Variants in CPSF2 observed in about 807,000 individuals in gnomAD.
CPSF2 encodes cleavage and polyadenylation specific factor 2.
CPSF2 carries 51 observed loss-of-function variants against 84.2 expected under a neutral mutation model. That is an observed-to-expected ratio of 0.61 (90% CI 0.48 to 0.77). The LOEUF (loss-of-function observed/expected upper bound fraction) is 0.77. CPSF2 is among the 30% of genes least tolerant of loss of function. The probability of loss-of-function intolerance (pLI) is 0.00; values close to 1 mark genes in which losing one functional copy is unlikely to be tolerated. For missense variants in CPSF2, 641 were observed against 929.4 expected, an observed-to-expected ratio of 0.69 and a Z score of 4.03; for synonymous variants, 286 against 311.9, an observed-to-expected ratio of 0.92 and a Z score of 0.87.
intron 9 of CPSF2, among the ~76,000 whole-genome samples, chr14:92,143,638 C>G (rs911254711): frequency 3.9e-5 from 6 of 152,158 alleles, no homozygotes; most frequent in Admixed American, 2.6e-4. Context: ...TGGGGTCTTG[C>G]TTTGTTACCT....
intron 2 of CPSF2, among the ~76,000 whole-genome samples, chr14:92,129,511 C>T (rs1024774977): frequency 3.9e-5 from 6 of 152,050 alleles, no homozygotes; most frequent in African/African-American, 1.4e-4. Flanking sequence ...TGTTGATGGC[C>T]TTGAGTAGTG....
chr14:92,148,168 C>T (rs557739799), intron 9 of CPSF2, among the ~76,000 whole-genome samples: 1 of 152,304 alleles, frequency 6.6e-6, no homozygotes, highest in South Asian at 2.1e-4. Context: ...TCCCCCTTTT[C>T]CATTACTTTT....
Position 92,161,101 on chromosome 14 carries a change from C to T in CPSF2, c.2122-11C>T. The T allele has an allele frequency of 6.2e-7, 1 of 1,612,606 alleles. No homozygotes were observed. Among genetic ancestry groups the T allele is most frequent in the Non-Finnish European group, 8.5e-7 (1 of 1,179,378 alleles). Reference sequence around the variant, plus strand: ...CTTGAAGTTATTCTTTCCCCTTTGACCTTATCTAAGGTTCCTGGACATCAG... The same window carrying T: ...CTTGAAGTTATTCTTTCCCCTTTGATCTTATCTAAGGTTCCTGGACATCAG... On this transcript the variant is annotated splice_polypyrimidine_tract_variant and intron_variant, in intron 14 of 15. Coordinates refer to ENST00000298875, the MANE Select transcript of CPSF2 (RefSeq NM_017437.3).
At chr14:92,150,291 T>C (rs1349977798) in intron 9 of CPSF2, among the ~76,000 whole-genome samples, 1 of 152,036 alleles carries the variant, frequency 6.6e-6, no homozygotes, top group Non-Finnish European at 1.5e-5. Flanking sequence ...ATTTTTTTTT[T>C]TCATATTTTT....
At chr14:92,158,705 A>G (rs188907550) in intron 13 of CPSF2, among the ~76,000 whole-genome samples, 18 of 152,270 alleles carry the variant, frequency 1.2e-4, no homozygotes, top group African/African-American at 3.9e-4. Flanking sequence ...CAGTTATGTT[A>G]GAAACACTGG....
intron 1 of CPSF2, among the ~76,000 whole-genome samples, chr14:92,123,467 C>G (rs2068805788): frequency 6.6e-6 from 1 of 151,950 alleles, no homozygotes; most frequent in South Asian, 2.1e-4. Context: ...GGTGCCATCT[C>G]AGCTCACTGC....
At chr14:92,133,743 G>A (rs2068964762) in intron 3 of CPSF2, among the ~76,000 whole-genome samples, 1 of 151,940 alleles carries the variant, frequency 6.6e-6, no homozygotes, top group African/African-American at 2.4e-5. Context: ...TGGGATTACA[G>A]GTGTGTGCCA....
intron 11 of CPSF2, 111 bp downstream of exon 11, chr14:92,155,434 G>A (rs2069277398): frequency 1.2e-6 from 1 of 862,040 alleles, no homozygotes; most frequent in East Asian, 2.6e-5. Context: ...TCACATGTAT[G>A]GGGTTAGCTT....
At chr14:92,140,784 C>T (rs1048029200) in intron 7 of CPSF2, among the ~76,000 whole-genome samples, 2 of 151,958 alleles carry the variant, frequency 1.3e-5, no homozygotes, top group African/African-American at 2.4e-5. Flanking sequence ...CGTGGTGGTA[C>T]AGGCCCGTAG....
In CPSF2 at chr14:92,122,070, C is replaced by G. The variant is rs17127959; in HGVS notation, c.-152C>G. ...AGCATCGGCTTTTCTACGTCTTGAA[C>G]CTGGATTCGCCTAGGGGTTGGGAAG... On this transcript the variant is annotated 5_prime_UTR_variant, in exon 1 of 16. Coordinates refer to ENST00000298875, the MANE Select transcript of CPSF2 (RefSeq NM_017437.3). The G allele has an allele frequency of 9.8e-6, 5 of 510,108 alleles. No homozygotes were observed. The highest frequency in any genetic ancestry group is 1.9e-5 in the African/African-American group (1 of 51,708). The allele number at this position is 510,108 out of a possible 1,614,324, so 31.6% of individuals were successfully genotyped here. A position where few individuals can be genotyped will look rare whatever the true frequency, so the allele number is the denominator to read the frequency against.
rs571259003 is a variant in CPSF2 at position 92,158,961 on chromosome 14, TC to T, written c.1822-17del. 464 of 1,571,808 alleles carry T rather than the reference TC, an allele frequency of 3.0e-4. 2 individuals carry two copies. The African/African-American group carries it at 5.4e-3, about 18-fold the overall frequency. The stretch of plus-strand genomic sequence containing the variant: ...ATGTATTCTGTGGGTTTTATTTCTC[TC>T]CCCCTCCTTTGCATGTCTAGGTGAG... On this transcript the variant is annotated intron_variant, in intron 13 of 15. Transcript: ENST00000298875.
chr14:92,138,446 T>A (rs1209962807), intron 7 of CPSF2, 99 bp downstream of exon 7: 1 of 581,314 alleles, frequency 1.7e-6, no homozygotes, highest in Non-Finnish European at 2.8e-6. Flanking sequence ...CTTTTTTTTT[T>A]TGAGACGGAC....
At chr14:92,125,677 T>A (rs531427794) in intron 1 of CPSF2, among the ~76,000 whole-genome samples, 1 of 152,284 alleles carries the variant, frequency 6.6e-6, no homozygotes, top group African/African-American at 2.4e-5. Flanking sequence ...CCTTATCTTT[T>A]ATTTTTTGCT....
Position 92,138,317 on chromosome 14 carries a change from A to G in CPSF2, c.631A>G (p.Arg211Gly). 6.3e-7 allele frequency: 1 copy of G among 1,588,306 alleles called. No homozygotes were observed. The highest frequency in any genetic ancestry group is 8.6e-7 in the Non-Finnish European group (1 of 1,168,056). Reference protein sequence around the residue: ...DSFNATYVQPRRKQRDEQLLT... With the variant: ...DSFNATYVQPGRKQRDEQLLT... Reference sequence around the variant, plus strand: ...ATTCAATGCTACATATGTACAGCCTAGAAGAAAACAGAGAGATGAGCAGCT... The same window carrying G: ...ATTCAATGCTACATATGTACAGCCTGGAAGAAAACAGAGAGATGAGCAGCT... Residue 211 changes from arginine (R) to glycine (G), a missense_variant, in exon 7 of 16, where the codon AGA (arginine) becomes GGA (glycine). Physicochemically the swap from Arg to Gly is moderately radical, Grantham distance 125. This residue lies in a region of CPSF2 where 211 missense variants were observed against 375.7 expected (regional missense o/e 0.56). Coordinates refer to ENST00000298875, the MANE Select transcript of CPSF2 (RefSeq NM_017437.3).
chr14:92,138,397 G>T, intron 7 of CPSF2, 50 bp downstream of exon 7: 1 of 978,924 alleles, frequency 1.0e-6, no homozygotes, highest in Non-Finnish European at 1.5e-6. Flanking sequence ...GTAACTTTTT[G>T]TATATTTAGG....
At chr14:92,150,064 GTTTA>G (rs932673686) in intron 9 of CPSF2, among the ~76,000 whole-genome samples, 1 of 151,912 alleles carries the variant, frequency 6.6e-6, no homozygotes, top group African/African-American at 2.4e-5. Flanking sequence ...ACACTTGTAT[GTTTA>G]TTTGAGTCGT....
In CPSF2 at chr14:92,161,838, C is replaced by A; in HGVS notation, c.*94C>A. ...TTTTGATGTTTTGTTTTGTAACATA[C>A]AAAAAGAATCTGCCAGAAAAACTTA... On this transcript the variant is annotated 3_prime_UTR_variant, in exon 16 of 16. Transcript: ENST00000298875. The A allele has an allele frequency of 1.4e-6, 1 of 696,148 alleles. No homozygotes were observed. The highest frequency in any genetic ancestry group is 2.3e-6 in the Non-Finnish European group (1 of 429,502). The allele number at this position is 696,148 out of a possible 1,614,324, so 43.1% of individuals were successfully genotyped here.
chr14:92,122,878 G>A (rs2068794498), intron 1 of CPSF2, among the ~76,000 whole-genome samples: 1 of 147,458 alleles, frequency 6.8e-6, no homozygotes, highest in Admixed American at 6.8e-5. Context: ...TAATAAAGAC[G>A]GGGTTTCACT....
At chr14:92,160,676 C>T (rs1401436969) in intron 14 of CPSF2, among the ~76,000 whole-genome samples, 1 of 152,214 alleles carries the variant, frequency 6.6e-6, no homozygotes. Flanking sequence ...GCATCCATTA[C>T]ATTTGCTCTG....
Sources: allele counts gnomAD v4.1 joint callset (sites outside exome capture counted in the v4.1 genomes callset), GRCh38; gene constraint gnomAD v4.1.1; regional missense constraint gnomAD v4.1.1; transcripts MANE v1.5; gene names NCBI Gene and HGNC (gene_info 2026-07-23, HGNC 2026-07-21).